Variants in FNBP1 observed in about 807,000 individuals in gnomAD.
FNBP1 encodes the protein formin binding protein 1.
FNBP1 carries 26 observed loss-of-function variants against 90.6 expected under a neutral mutation model. The ratio of observed to expected loss-of-function variants is 0.29; its 90% CI spans 0.21 to 0.40. FNBP1 has a LOEUF of 0.40. Among genes scored for constraint, FNBP1 ranks in the 10% least tolerant of loss-of-function variants. The pLI is 1.00. For missense variants in FNBP1, 635 were observed against 768.0 expected, an observed-to-expected ratio of 0.83 and a Z score of 2.05; for synonymous variants, 260 against 265.2, an observed-to-expected ratio of 0.98 and a Z score of 0.19.
chr9:129,897,614 T>C (rs1564254978), intron 15 of FNBP1, among the ~76,000 whole-genome samples: 1 of 152,146 alleles, frequency 6.6e-6, no homozygotes, highest in Non-Finnish European at 1.5e-5. Flanking sequence ...ATTTATTTTT[T>C]AGAGAGGGTT....
intron 16 of FNBP1, among the ~76,000 whole-genome samples, chr9:129,892,353 T>A (rs925429208): frequency 7.1e-6 from 1 of 141,322 alleles, no homozygotes; most frequent in Non-Finnish European, 1.5e-5. Context: ...AATTATTAAA[T>A]AAGCACATCG....
intron 7 of FNBP1, among the ~76,000 whole-genome samples, 162 bp from the exon 8 acceptor site, chr9:129,927,503 C>T (rs1024774269): frequency 2.6e-5 from 4 of 152,200 alleles, no homozygotes; most frequent in African/African-American, 4.8e-5. Context: ...CCCAGCTGTA[C>T]ATTTATTTTA....
Position 129,924,016 on chromosome 9 carries a change from AG to A in FNBP1, c.997del (p.Leu333PhefsTer2). 1 of 1,516,508 alleles carries A rather than the reference AG, an allele frequency of 6.6e-7. No homozygotes were observed. Among genetic ancestry groups the A allele is most frequent in the Non-Finnish European group, 8.8e-7 (1 of 1,135,014 alleles). 93.9% of individuals were successfully genotyped at this position (1,516,508 alleles called of 1,614,324 possible). Reference protein sequence around the residue: ...PFIKKNKLMSLLTSPHQPPPP... With the variant: ...PFIKKNKLMSXLTSPHQPPPP... ...GGGAGGCTGATGGGGGGATGTTAAA[AG>A]GGACATAAGCTACATGTAAGAGATG... On this transcript the variant is annotated frameshift_variant, in exon 10 of 17. Coordinates refer to ENST00000446176, the MANE Select transcript of FNBP1 (RefSeq NM_015033.3). LOFTEE classifies it high-confidence loss of function.
chr9:129,917,617 G>T (rs936409757), intron 10 of FNBP1, among the ~76,000 whole-genome samples: 3 of 152,138 alleles, frequency 2.0e-5, no homozygotes, highest in African/African-American at 7.2e-5. Flanking sequence ...TTACAGGTGT[G>T]AGCCACCACA....
Position 129,887,338 on chromosome 9 carries a change from C to CA in FNBP1, c.*3200dup, listed in dbSNP as rs1397187316. On this transcript the variant is annotated 3_prime_UTR_variant, in exon 17 of 17. Transcript: ENST00000446176. ...TACAGTGGCGATCGGCCTCACACAG[C>CA]AAAATGCCTCCAAAGTTTAGAATTA... is the stretch of plus-strand genomic sequence containing the variant. The CA allele has an allele frequency of 5.0e-6, 1 of 199,122 alleles. No individual in the cohort carries two copies. Among genetic ancestry groups the CA allele is most frequent in the African/African-American group, 2.3e-5 (1 of 43,524 alleles). 12.3% of individuals were successfully genotyped at this position (199,122 alleles called of 1,614,324 possible).
intron 16 of FNBP1, among the ~76,000 whole-genome samples, chr9:129,893,436 T>C (rs10739763): frequency 0.63 from 82,738 of 130,604 alleles, 24,064 homozygotes; most frequent in East Asian, 0.83. Flanking sequence ...AAACCTGTCT[T>C]TACTAAAAAA....
At chr9:130,046,874 C>T (rs1454241831), upstream of FNBP1, among the ~76,000 whole-genome samples, 1 of 151,510 alleles carries the variant, frequency 6.6e-6, no homozygotes. Context: ...ATCTCTTCAT[C>T]TATATCCTTT....
intron 4 of FNBP1, among the ~76,000 whole-genome samples, chr9:129,967,351 A>C (rs1346310778): frequency 6.6e-6 from 1 of 152,184 alleles, no homozygotes; most frequent in Non-Finnish European, 1.5e-5. Flanking sequence ...TCCCGTCTCT[A>C]TTAAAAATAC....
At chr9:130,014,955 C>G (rs1589271003) in intron 1 of FNBP1, among the ~76,000 whole-genome samples, 1 of 151,250 alleles carries the variant, frequency 6.6e-6, no homozygotes, top group Middle Eastern at 3.4e-3. Context: ...AAGACTTCAC[C>G]CTTGGGGGAA....
chr9:129,892,644 G>T (rs2035236889), intron 16 of FNBP1, among the ~76,000 whole-genome samples: 3 of 152,116 alleles, frequency 2.0e-5, no homozygotes, highest in Admixed American at 6.5e-5. Flanking sequence ...CTGAGATTTT[G>T]CTGCTTTTAT....
intron 6 of FNBP1, among the ~76,000 whole-genome samples, chr9:129,938,264 CA>C (rs2043795439): frequency 6.6e-6 from 1 of 152,134 alleles, no homozygotes; most frequent in African/African-American, 2.4e-5. Context: ...TTGTCCAGAG[CA>C]AAGTTGTTGG....
Position 129,900,163 on chromosome 9 carries a change from G to C in FNBP1, c.1551-62C>G. On this transcript the variant is annotated intron_variant, in intron 14 of 16. Transcript: ENST00000446176. The surrounding 1 kb of genome is among the most constrained non-coding windows in gnomAD (Gnocchi z 4.1). The stretch of plus-strand genomic sequence containing the variant: ...ACTGACCCCAGGGAGGACTCAGATT[G>C]AGTCCCTGCGACTGGAGAGCACTTG... 6.7e-7 allele frequency: 1 copy of C among 1,493,822 alleles called. No individual in the cohort carries two copies. Among genetic ancestry groups the C allele is most frequent in the Non-Finnish European group, 8.9e-7 (1 of 1,119,038 alleles). 92.5% of individuals were successfully genotyped at this position (1,493,822 alleles called of 1,614,324 possible).
rs777343130 is a variant in FNBP1, at chr9:130,009,409, C to T, written c.25-14451G>A. Among the ~76,000 whole-genome samples the T allele has an allele frequency of 4.6e-5, 7 of 152,248 alleles. No individual in the cohort carries two copies. In the East Asian group the frequency reaches 1.3e-3, roughly 29 times the overall value. ...GGACGCAGTGGCTCACGCCTATAATCCTGGCACTTTGGGAGGCCGAGGCAA... is the reference window on the plus strand; with the variant it reads ...GGACGCAGTGGCTCACGCCTATAATTCTGGCACTTTGGGAGGCCGAGGCAA... On this transcript the variant is annotated intron_variant, in intron 1 of 16. Coordinates refer to ENST00000446176, the MANE Select transcript of FNBP1 (RefSeq NM_015033.3).
At chr9:129,982,071 G>GA (rs2051345032) in intron 2 of FNBP1, among the ~76,000 whole-genome samples, 1 of 152,120 alleles carries the variant, frequency 6.6e-6, no homozygotes, top group Non-Finnish European at 1.5e-5. Flanking sequence ...GTCCCTTGTA[G>GA]AAAAAACAAT....
At chr9:130,037,336 T>C (rs2059411043) in intron 1 of FNBP1, among the ~76,000 whole-genome samples, 1 of 151,858 alleles carries the variant, frequency 6.6e-6, no homozygotes, top group Non-Finnish European at 1.5e-5. Flanking sequence ...CCTGGGTGAC[T>C]GAGCAAAACT....
intron 1 of FNBP1, among the ~76,000 whole-genome samples, chr9:129,999,699 G>A (rs575898436): frequency 6.6e-6 from 1 of 151,834 alleles, no homozygotes; most frequent in Non-Finnish European, 1.5e-5. Flanking sequence ...GATTTTTAAA[G>A]GTATTTATTC....
chr9:129,981,368 C>A (rs2051238998), intron 2 of FNBP1, among the ~76,000 whole-genome samples: 1 of 152,128 alleles, frequency 6.6e-6, no homozygotes, highest in Non-Finnish European at 1.5e-5. Flanking sequence ...CTGCACCCGG[C>A]CAAGAAATAG....
At chr9:129,994,404 G>A (rs530049383) in intron 2 of FNBP1, among the ~76,000 whole-genome samples, 1 of 152,032 alleles carries the variant, frequency 6.6e-6, no homozygotes, top group African/African-American at 2.4e-5. Context: ...GGTTACCGCT[G>A]GGGGGAGAGT....
chr9:129,942,046 G>C (rs555389320), intron 6 of FNBP1, among the ~76,000 whole-genome samples: 1 of 151,640 alleles, frequency 6.6e-6, no homozygotes. Flanking sequence ...ACTCCAGCCT[G>C]GGAGACAGTG....
Sources: gnomAD v4.1 joint callset for allele counts (sites outside exome capture counted in the v4.1 genomes callset) on GRCh38, gnomAD v4.1.1 for gene constraint, Gnocchi (gnomAD v3.1) non-coding constraint, MANE v1.5 for transcripts, NCBI Gene and HGNC (gene_info 2026-07-23, HGNC 2026-07-21) for gene names.